Variants in GRID2 observed in about 807,000 individuals in gnomAD.
GRID2 encodes the protein glutamate ionotropic receptor delta type subunit 2, also known as glutamate receptor ionotropic, delta-2.
GRID2 carries 33 observed loss-of-function variants against 114.8 expected under a neutral mutation model. That is an observed-to-expected ratio of 0.29 (90% CI 0.22 to 0.38). The LOEUF is 0.38. GRID2 is among the 10% of genes least tolerant of loss of function. The pLI, the probability that GRID2 is intolerant of heterozygous loss-of-function variation, is 1.00. For missense variants in GRID2, 1,184 were observed against 1,257.7 expected (o/e 0.94, Z 0.89); for synonymous variants, 505 against 449.9 (o/e 1.12, Z -1.55).
At chr4:93,365,625 G>C (rs192644035) in intron 8 of GRID2, among the ~76,000 whole-genome samples, 110 of 152,260 alleles carry the variant, frequency 7.2e-4, no homozygotes, top group African/African-American at 2.6e-3. Context: ...ATTTGTGAAA[G>C]AGTGTAACTG....
At position 92,488,735 on chromosome 4, in the gene GRID2, T is replaced by A. The variant is rs185884333; in HGVS notation, c.89-101396T>A. On this transcript the variant is annotated intron_variant, in intron 1 of 15. Transcript: ENST00000282020. ...TTGTGCCTGAAGGAGAAGTGAGAAA[T>A]CATCTGGGGCTCAGGACTCTGCATT... is the stretch of plus-strand genomic sequence containing the variant. Among the ~76,000 whole-genome samples the A allele has an allele frequency of 2.6e-3, 397 of 152,212 alleles. 4 individuals are homozygous for A. Among genetic ancestry groups the A allele is most frequent in the Non-Finnish European group, 4.0e-3 (270 of 67,998 alleles).
chr4:92,321,000 T>C (rs764318441), intron 1 of GRID2, among the ~76,000 whole-genome samples: 2 of 152,192 alleles, frequency 1.3e-5, no homozygotes, highest in Non-Finnish European at 2.9e-5. Flanking sequence ...TTCTTGTTCA[T>C]AATTTCTTTT....
intron 2 of GRID2, among the ~76,000 whole-genome samples, chr4:92,995,243 C>G (rs1182735648): frequency 1.3e-5 from 2 of 152,078 alleles, no homozygotes; most frequent in Non-Finnish European, 2.9e-5. Context: ...GTGGATACAT[C>G]TCTCTTCTTT....
intron 1 of GRID2, among the ~76,000 whole-genome samples, chr4:92,569,079 T>G (rs1292543633): frequency 1.3e-5 from 2 of 151,916 alleles, no homozygotes; most frequent in African/African-American, 4.8e-5. Context: ...CACCCAGGTG[T>G]TAAGCCAACA....
chr4:93,740,130 T>C (rs745968642), intron 14 of GRID2, among the ~76,000 whole-genome samples: 5 of 152,152 alleles, frequency 3.3e-5, no homozygotes, highest in African/African-American at 7.2e-5. Context: ...TGGATATATT[T>C]AGATACACAA....
rs896202270 is a variant in GRID2, at chr4:92,606,703, C to T, written c.244+16417C>T. ...GTTGGCTGCACTCCACCCAGACCTGCGTAATTTAACCCATTGAAAAAGAAG... is the reference window on the plus strand; with the variant it reads ...GTTGGCTGCACTCCACCCAGACCTGTGTAATTTAACCCATTGAAAAAGAAG... On this transcript the variant is annotated intron_variant, in intron 2 of 15. Transcript: ENST00000282020. Among the ~76,000 whole-genome samples the T allele has an allele frequency of 2.0e-5, 3 of 151,822 alleles. No individual in the cohort carries two copies. In the Admixed American group the frequency reaches 2.0e-4, roughly 10 times the overall value.
rs1430812958 is a variant in GRID2 at position 93,175,035 on chromosome 4, C to A, written c.736-32369C>A. 1.2e-4 allele frequency among the ~76,000 whole-genome samples: 18 copies of A among 152,128 alleles called. 1 individual carries two copies. Among genetic ancestry groups the A allele is most frequent in the Non-Finnish European group, 5.9e-5 (4 of 68,018 alleles). On this transcript the variant is annotated intron_variant, in intron 4 of 15. Coordinates refer to ENST00000282020, the MANE Select transcript of GRID2 (RefSeq NM_001510.4). ...GTAAGTGCCTATTTGATTTTGTAAGCAACTGCCATACACTTTTTCTTGGCT... is the reference window on the plus strand; with the variant it reads ...GTAAGTGCCTATTTGATTTTGTAAGAAACTGCCATACACTTTTTCTTGGCT...
At chr4:92,908,593 A>C (rs917056795) in intron 2 of GRID2, among the ~76,000 whole-genome samples, 2 of 151,188 alleles carry the variant, frequency 1.3e-5, no homozygotes, top group South Asian at 4.2e-4. Context: ...AGCCATTACT[A>C]AACAAAAAAT....
At chr4:93,378,547 C>A (rs1357372674) in intron 8 of GRID2, among the ~76,000 whole-genome samples, 2 of 152,016 alleles carry the variant, frequency 1.3e-5, no homozygotes, top group African/African-American at 4.8e-5. Flanking sequence ...ATAATAAAAT[C>A]TCATACATTT....
At chr4:92,701,280 C>G (rs1734664534) in intron 2 of GRID2, among the ~76,000 whole-genome samples, 1 of 152,146 alleles carries the variant, frequency 6.6e-6, no homozygotes, top group Non-Finnish European at 1.5e-5. Context: ...TCCTAGAACT[C>G]TACTAACCCT....
Position 93,028,396 on chromosome 4 carries a change from A to G in GRID2, c.245-56599A>G, listed in dbSNP as rs145396115. On this transcript the variant is annotated intron_variant, in intron 2 of 15. Coordinates refer to ENST00000282020, the MANE Select transcript of GRID2 (RefSeq NM_001510.4). ...GTGTATCCATGGAACTGCAAAACCA[A>G]CGCTGCTTGGGAGAGAGAGAGAGTG... Among the ~76,000 whole-genome samples, 297 of 152,146 alleles carry G rather than the reference A, an allele frequency of 2.0e-3. 1 individual carries two copies. The highest frequency in any genetic ancestry group is 4.4e-3 in the African/African-American group (181 of 41,542).
At chr4:92,677,460 T>G (rs1184879393) in intron 2 of GRID2, among the ~76,000 whole-genome samples, 1 of 152,178 alleles carries the variant, frequency 6.6e-6, no homozygotes, top group African/African-American at 2.4e-5. Flanking sequence ...ACCCTGTGTC[T>G]ATGTATTAAT....
At chr4:93,338,366 G>A (rs562156980) in intron 8 of GRID2, among the ~76,000 whole-genome samples, 2 of 152,172 alleles carry the variant, frequency 1.3e-5, no homozygotes, top group South Asian at 2.1e-4. Context: ...AAATGTTCTC[G>A]ATTACAAGTC....
At chr4:93,347,846 T>TACTG (rs1760395289) in intron 8 of GRID2, among the ~76,000 whole-genome samples, 1 of 152,184 alleles carries the variant, frequency 6.6e-6, no homozygotes, top group Admixed American at 6.6e-5. Flanking sequence ...CACTACCTTA[T>TACTG]ACTGCATCTC....
At chr4:93,010,087 G>C (rs1289734509) in intron 2 of GRID2, among the ~76,000 whole-genome samples, 2 of 152,020 alleles carry the variant, frequency 1.3e-5, no homozygotes, top group South Asian at 2.1e-4. Context: ...GAAGAGTCAA[G>C]CCATTAAGTG....
At chr4:93,591,885 G>C (rs189884589) in intron 13 of GRID2, among the ~76,000 whole-genome samples, 16 of 152,246 alleles carry the variant, frequency 1.1e-4, no homozygotes, top group African/African-American at 3.9e-4. Flanking sequence ...TTGTATTTCT[G>C]TGGGATCGGT....
intron 8 of GRID2, among the ~76,000 whole-genome samples, chr4:93,355,942 G>A (rs751653648): frequency 3.9e-5 from 6 of 152,072 alleles, no homozygotes; most frequent in Non-Finnish European, 7.4e-5. Context: ...CTCAAAATCC[G>A]CTGGTGCCCT....
intron 1 of GRID2, among the ~76,000 whole-genome samples, chr4:92,423,855 C>G (rs1019254385): frequency 1.3e-5 from 2 of 151,402 alleles, no homozygotes; most frequent in African/African-American, 4.9e-5. Flanking sequence ...TTGCAGTGTC[C>G]AAAACAAGAG....
intron 1 of GRID2, among the ~76,000 whole-genome samples, chr4:92,514,769 G>C (rs1724423443): frequency 6.6e-6 from 1 of 151,776 alleles, no homozygotes; most frequent in South Asian, 2.1e-4. Context: ...GGCTGCTGCT[G>C]CTGCTATTTG....
Sources: allele counts gnomAD v4.1 joint callset (sites outside exome capture counted in the v4.1 genomes callset), GRCh38; gene constraint gnomAD v4.1.1; transcripts MANE v1.5; gene names NCBI Gene and HGNC (gene_info 2026-07-23, HGNC 2026-07-21).